The following AOPEP variants were observed in gnomAD, a reference collection of about 807,000 sequenced individuals.
AOPEP encodes the protein aminopeptidase O.
AOPEP carries 77 observed loss-of-function variants against 98.1 expected under a neutral mutation model. That is an observed-to-expected ratio of 0.78 (90% CI 0.65 to 0.95). The LOEUF (loss-of-function observed/expected upper bound fraction) is 0.95. Among genes scored for constraint, AOPEP ranks in the 40% least tolerant of loss-of-function variants. The pLI is 0.00. For missense variants in AOPEP, 1,024 were observed against 1,024.7 expected, an observed-to-expected ratio of 1.00 and a Z score of 0.01; for synonymous variants, 346 against 365.3, an observed-to-expected ratio of 0.95 and a Z score of 0.60.
chr9:95,104,470 G>C, the AOPEP span, among the ~76,000 whole-genome samples: 1 of 152,144 alleles, frequency 6.6e-6, no homozygotes. Flanking sequence ...GAGGGTTCCC[G>C]TGTGGATCCG....
At chr9:94,796,240 C>T (rs1454856275) in intron 4 of AOPEP, among the ~76,000 whole-genome samples, 2 of 151,618 alleles carry the variant, frequency 1.3e-5, no homozygotes, top group African/African-American at 4.9e-5. Context: ...TGCCCCCTTC[C>T]ATGTCCAATA....
chr9:94,778,869 A>C (rs891931541), intron 3 of AOPEP, among the ~76,000 whole-genome samples: 3 of 152,114 alleles, frequency 2.0e-5, no homozygotes, highest in Admixed American at 6.5e-5. Flanking sequence ...CTCTACAAAA[A>C]TACAAAAAAA....
the AOPEP span, chr9:95,099,168 TGG>T: frequency 4.6e-6 from 1 of 216,908 alleles, no homozygotes; most frequent in African/African-American, 2.3e-5. Context: ...ACAGCCTGGT[TGG>T]AGGGGCGCTC....
chr9:95,056,486 A>C (rs1045045204), intron 13 of AOPEP: 1 of 152,304 alleles, frequency 6.6e-6, no homozygotes, highest in Non-Finnish European at 1.5e-5. Flanking sequence ...AATGGAAGAA[A>C]TGGTGGCGGA....
chr9:95,123,884 A>C, the AOPEP span: 5 of 530,544 alleles, frequency 9.4e-6, no homozygotes, highest in African/African-American at 7.7e-5. Flanking sequence ...TGAGTCCTTA[A>C]AGTCTGAAGA....
chr9:95,026,603 C>T (rs968115832), intron 13 of AOPEP, among the ~76,000 whole-genome samples: 2 of 152,162 alleles, frequency 1.3e-5, no homozygotes, highest in Admixed American at 6.5e-5. Context: ...AGTTGATGCA[C>T]ATTTGGGTTA....
intron 5 of AOPEP, among the ~76,000 whole-genome samples, chr9:94,862,500 A>C (rs1348954138): frequency 6.6e-6 from 1 of 152,192 alleles, no homozygotes; most frequent in African/African-American, 2.4e-5. Flanking sequence ...ACCTCCTTCC[A>C]GTCTCCTTGA....
At chr9:94,795,585 G>C (rs564093238) in intron 4 of AOPEP, among the ~76,000 whole-genome samples, 18 of 152,310 alleles carry the variant, frequency 1.2e-4, no homozygotes, top group African/African-American at 4.1e-4. Context: ...TGGAAGGCTA[G>C]GGGAAGGCAA....
intron 5 of AOPEP, among the ~76,000 whole-genome samples, chr9:94,847,879 A>T (rs1405484301): frequency 6.6e-6 from 1 of 152,192 alleles, no homozygotes; most frequent in Non-Finnish European, 1.5e-5. Context: ...CTAGGATTTA[A>T]ATGGTGTTCT....
At position 94,773,109 on chromosome 9, in the gene AOPEP, C is replaced by G; in HGVS notation, c.905C>G (p.Ala302Gly). 6.2e-7 allele frequency: 1 copy of G among 1,614,142 alleles called. No individual in the cohort carries two copies. The highest frequency in any genetic ancestry group is 1.3e-5 in the African/African-American group (1 of 75,022). ...TGGCAGGCTACAGTTCGAGCAGCTGCATCTTTTGTTGTTTTAATGAGTGGG... is the reference window on the plus strand; with the variant it reads ...TGGCAGGCTACAGTTCGAGCAGCTGGATCTTTTGTTGTTTTAATGAGTGGG... ...STWQATVRAA[A>G]SFVVLMSGEN... Residue 302 changes from alanine (A) to glycine (G), a missense_variant, in exon 3 of 17, where the codon GCA (alanine) becomes GGA (glycine). Physicochemically the swap from Ala to Gly is moderately conservative, Grantham distance 60 (BLOSUM62 0). Coordinates refer to ENST00000375315, the MANE Select transcript of AOPEP (RefSeq NM_001193329.3).
intron 2 of AOPEP, among the ~76,000 whole-genome samples, chr9:94,764,462 C>G (rs1839107394): frequency 6.6e-6 from 1 of 152,108 alleles, no homozygotes; most frequent in African/African-American, 2.4e-5. Flanking sequence ...GCCTGGCCAA[C>G]ATGGCGAAAC....
intron 11 of AOPEP, among the ~76,000 whole-genome samples, chr9:94,999,552 C>T (rs2061433462): frequency 6.6e-6 from 1 of 152,144 alleles, no homozygotes; most frequent in South Asian, 2.1e-4. Flanking sequence ...ATCCATCCTT[C>T]CGGTAAACAT....
At chr9:94,869,128 C>G (rs2046038046) in intron 5 of AOPEP, among the ~76,000 whole-genome samples, 1 of 152,128 alleles carries the variant, frequency 6.6e-6, no homozygotes, top group Non-Finnish European at 1.5e-5. Context: ...ACTTGGGAGG[C>G]TGAGGCAAGA....
chr9:94,996,406 ACTT>A (rs201012155), intron 11 of AOPEP, among the ~76,000 whole-genome samples: 1,474 of 144,536 alleles, frequency 0.01, 42 homozygotes, highest in Admixed American at 0.066. Flanking sequence ...GAGAGATTTT[ACTT>A]CTTCATCAAG....
At position 94,855,299 on chromosome 9, in the gene AOPEP, A is replaced by G. The variant is rs370380534; in HGVS notation, c.1364+54297A>G. Among the ~76,000 whole-genome samples, 416 of 151,722 alleles carry G rather than the reference A, an allele frequency of 2.7e-3. 1 individual carries two copies. Among genetic ancestry groups the G allele is most frequent in the African/African-American group, 9.6e-3 (399 of 41,460 alleles). ...CGCCACATTGGCCAGGCTGGTCTTG[A>G]ACTCCTGACCTCAGGTTATCTGCCC... On this transcript the variant is annotated intron_variant, in intron 5 of 16. Coordinates refer to ENST00000375315, the MANE Select transcript of AOPEP (RefSeq NM_001193329.3).
chr9:94,863,579 C>T (rs189653782), intron 5 of AOPEP, among the ~76,000 whole-genome samples: 4 of 152,244 alleles, frequency 2.6e-5, no homozygotes, highest in Non-Finnish European at 5.9e-5. Flanking sequence ...CAACGCCCAG[C>T]TAATTTTTGA....
At position 94,808,971 on chromosome 9, in the gene AOPEP, T is replaced by C. The variant is rs1167757764; in HGVS notation, c.1364+7969T>C. On this transcript the variant is annotated intron_variant, in intron 5 of 16. Coordinates refer to ENST00000375315, the MANE Select transcript of AOPEP (RefSeq NM_001193329.3). Reference sequence around the variant, plus strand: ...CAGCTGCAGTTTTTGCCTTTTTTCATAGATGTGCAATCTTAGAACATCCTA... The same window carrying C: ...CAGCTGCAGTTTTTGCCTTTTTTCACAGATGTGCAATCTTAGAACATCCTA... Among the ~76,000 whole-genome samples the C allele has an allele frequency of 7.5e-4, 114 of 152,334 alleles. 1 individual carries two copies. Among genetic ancestry groups the C allele is most frequent in the Non-Finnish European group, 8.8e-5 (6 of 68,034 alleles).
At chr9:94,896,859 G>A (rs1467189328) in intron 5 of AOPEP, among the ~76,000 whole-genome samples, 1 of 149,612 alleles carries the variant, frequency 6.7e-6, no homozygotes, top group African/African-American at 2.5e-5. Context: ...TATTAATATT[G>A]GTTAATTGTA....
At chr9:94,794,916 A>G (rs1004658813) in intron 4 of AOPEP, among the ~76,000 whole-genome samples, 1 of 152,200 alleles carries the variant, frequency 6.6e-6, no homozygotes, top group African/African-American at 2.4e-5. Context: ...ATTAGCAAGA[A>G]GCACACTGTT....
Sources: gnomAD v4.1 joint callset for allele counts (sites outside exome capture counted in the v4.1 genomes callset) on GRCh38, gnomAD v4.1.1 for gene constraint, MANE v1.5 for transcripts, NCBI Gene and HGNC (gene_info 2026-07-23, HGNC 2026-07-21) for gene names.